The following TMOD2 variants were observed in gnomAD, a reference collection of about 807,000 sequenced individuals.
TMOD2 encodes the protein tropomodulin 2.
In TMOD2, 22 loss-of-function variants were observed where a neutral mutation model predicts 39.9. The ratio of observed to expected loss-of-function variants is 0.55; its 90% CI spans 0.39 to 0.79. The LOEUF is 0.79. Ranked by LOEUF, TMOD2 falls within the 30% of genes least tolerant of loss-of-function variation. The probability of loss-of-function intolerance (pLI) is 0.00; values close to 1 mark genes in which losing one functional copy is unlikely to be tolerated. For synonymous variants in TMOD2, 123 were observed against 146.1 expected, an observed-to-expected ratio of 0.84 and a Z score of 1.14; for missense variants, 386 against 413.3, an observed-to-expected ratio of 0.93 and a Z score of 0.57.
At chr15:51,806,558 A>G (rs750399584) in intron 9 of TMOD2, 37 bp downstream of exon 9, 1 of 1,611,688 alleles carries the variant, frequency 6.2e-7, no homozygotes, top group Non-Finnish European at 8.5e-7. Flanking sequence ...AACAATTAGA[A>G]GAGCATGAGC....
chr15:51,771,955 G>C (rs1184307933), intron 3 of TMOD2, among the ~76,000 whole-genome samples: 2 of 152,188 alleles, frequency 1.3e-5, no homozygotes, highest in Non-Finnish European at 2.9e-5. Flanking sequence ...TTGTTGCCAG[G>C]ATGCCCCAGA....
rs2056188071 is a variant in TMOD2, at chr15:51,816,341, T to C, written c.*7887T>C. On this transcript the variant is annotated 3_prime_UTR_variant, in exon 10 of 10. Coordinates refer to ENST00000249700, the MANE Select transcript of TMOD2 (RefSeq NM_014548.4). The stretch of plus-strand genomic sequence containing the variant: ...AAATGTAAAGAACATTGGGAAATAA[T>C]AAACTTTCCTTTCAAAGTAAAAGTA... 1 of 152,234 alleles carries C rather than the reference T, an allele frequency of 6.6e-6. No individual in the cohort carries two copies. 9.4% of individuals were successfully genotyped at this position (152,234 alleles called of 1,614,324 possible).
intron 1 of TMOD2, among the ~76,000 whole-genome samples, chr15:51,754,986 C>G (rs1347900079): frequency 6.6e-6 from 1 of 152,204 alleles, no homozygotes; most frequent in Non-Finnish European, 1.5e-5. Context: ...AGTATTTGTG[C>G]TTCACATTAC....
chr15:51,789,004 T>A (rs929841504), intron 7 of TMOD2, among the ~76,000 whole-genome samples: 11 of 152,290 alleles, frequency 7.2e-5, no homozygotes, highest in Middle Eastern at 6.8e-3. Context: ...AATTCACATA[T>A]AACAATATTA....
chr15:51,790,128 AAG>A (rs1193672077), intron 7 of TMOD2, among the ~76,000 whole-genome samples: 2 of 152,226 alleles, frequency 1.3e-5, no homozygotes, highest in African/African-American at 2.4e-5. Context: ...CAAAGAAGAA[AAG>A]AGAGAAGAAT....
rs187410496 is a variant in TMOD2, at chr15:51,807,236, T to A, written c.1021+715T>A. On this transcript the variant is annotated intron_variant, in intron 9 of 9. Transcript: ENST00000249700. ...GCAGGCTTCAATCCCCAGTTTGAGG[T>A]TCAGGGACAGAATGCCAGATCTTGG... 1.3e-3 allele frequency among the ~76,000 whole-genome samples: 192 copies of A among 152,252 alleles called. No individual in the cohort carries two copies. The Middle Eastern group carries it at 0.014, about 11-fold the overall frequency.
intron 3 of TMOD2, among the ~76,000 whole-genome samples, chr15:51,768,625 C>T (rs538696088): frequency 2.5e-4 from 37 of 149,198 alleles, no homozygotes; most frequent in African/African-American, 4.9e-4. Flanking sequence ...GGGAACTGTC[C>T]GGGAAATGGG....
At chr15:51,798,382 G>A (rs374667921) in intron 8 of TMOD2, 42 bp downstream of exon 8, 34 of 1,603,320 alleles carry the variant, frequency 2.1e-5, no homozygotes, top group Non-Finnish European at 2.7e-5. Flanking sequence ...CTCACAGGGT[G>A]TGCAGTGAGC....
At position 51,804,727 on chromosome 15, in the gene TMOD2, C is replaced by T. The variant is rs138287816; in HGVS notation, c.877-1650C>T. 4.1e-3 allele frequency among the ~76,000 whole-genome samples: 616 copies of T among 151,838 alleles called. 4 individuals carry two copies. The highest frequency in any genetic ancestry group is 0.014 in the African/African-American group (582 of 41,402). ...AGCTGGGACTACAGGTGCCTGCCAC[C>T]GCACCCAGCTAGTTTTTGTACTTTT... On this transcript the variant is annotated intron_variant, in intron 8 of 9. Coordinates refer to ENST00000249700, the MANE Select transcript of TMOD2 (RefSeq NM_014548.4).
chr15:51,803,744 C>G (rs1162116628), intron 8 of TMOD2, among the ~76,000 whole-genome samples: 1 of 152,074 alleles, frequency 6.6e-6, no homozygotes, highest in African/African-American at 2.4e-5. Flanking sequence ...CAGAAACCTA[C>G]AAATCAAGTT....
intron 8 of TMOD2, among the ~76,000 whole-genome samples, chr15:51,800,086 T>C (rs1162990311): frequency 6.6e-6 from 1 of 152,248 alleles, no homozygotes; most frequent in African/African-American, 2.4e-5. Context: ...CCTTATACTA[T>C]ACTAAAAAAA....
Position 51,778,643 on chromosome 15 carries a change from C to CTTT in TMOD2, c.493+1649_493+1651dup, listed in dbSNP as rs34790068. On this transcript the variant is annotated intron_variant, in intron 5 of 9. Coordinates refer to ENST00000249700, the MANE Select transcript of TMOD2 (RefSeq NM_014548.4). ...TTTGAAAACTCATAGAAAATTACAGCTTTTTTTTTTTTTTTTTTTTTTTTT... is the reference window on the plus strand; with the variant it reads ...TTTGAAAACTCATAGAAAATTACAGCTTTTTTTTTTTTTTTTTTTTTTTTTTTT... Among the ~76,000 whole-genome samples, 255 of 68,378 alleles carry CTTT rather than the reference C, an allele frequency of 3.7e-3. 5 individuals carry two copies. The highest frequency in any genetic ancestry group is 6.5e-3 in the East Asian group (17 of 2,610). 44.9% of individuals were successfully genotyped at this position (68,378 alleles called of 152,430 possible).
At chr15:51,793,132 T>C (rs972263636) in intron 7 of TMOD2, among the ~76,000 whole-genome samples, 1 of 152,182 alleles carries the variant, frequency 6.6e-6, no homozygotes, top group Non-Finnish European at 1.5e-5. Flanking sequence ...AGTAAATAGA[T>C]GCTCCTTGAC....
At chr15:51,754,660 A>G (rs560697858) in intron 1 of TMOD2, among the ~76,000 whole-genome samples, 1 of 152,372 alleles carries the variant, frequency 6.6e-6, no homozygotes, top group East Asian at 1.9e-4. Flanking sequence ...TCCCCAAAAT[A>G]CATAGAATGT....
intron 1 of TMOD2, among the ~76,000 whole-genome samples, chr15:51,754,484 T>G (rs1233622635): frequency 6.6e-6 from 1 of 152,232 alleles, no homozygotes; most frequent in Non-Finnish European, 1.5e-5. Context: ...GAAAACAGAA[T>G]CAACTCTTAC....
At chr15:51,808,024 C>T (rs1423648745) in intron 9 of TMOD2, among the ~76,000 whole-genome samples, 1 of 152,178 alleles carries the variant, frequency 6.6e-6, no homozygotes, top group Non-Finnish European at 1.5e-5. Flanking sequence ...CAGACTTCAT[C>T]CCATAATCAG....
intron 4 of TMOD2, among the ~76,000 whole-genome samples, chr15:51,774,159 G>A (rs2055872114): frequency 6.6e-6 from 1 of 152,258 alleles, no homozygotes; most frequent in African/African-American, 2.4e-5. Flanking sequence ...TTCACATTTG[G>A]CATTTTATCA....
intron 5 of TMOD2, among the ~76,000 whole-genome samples, chr15:51,778,027 C>A (rs968785793): frequency 3.3e-5 from 5 of 151,510 alleles, no homozygotes; most frequent in African/African-American, 1.2e-4. Context: ...GCTATAAAGA[C>A]ACATGCACAC....
intron 1 of TMOD2, among the ~76,000 whole-genome samples, chr15:51,753,390 C>T (rs966952007): frequency 6.6e-6 from 1 of 152,106 alleles, no homozygotes; most frequent in Admixed American, 6.5e-5. Context: ...GCGAGTCTCC[C>T]GTTGTGAAGC....
Sources: gnomAD v4.1 joint callset for allele counts (sites outside exome capture counted in the v4.1 genomes callset) on GRCh38, gnomAD v4.1.1 for gene constraint, MANE v1.5 for transcripts, NCBI Gene and HGNC (gene_info 2026-07-23, HGNC 2026-07-21) for gene names.